NLRP7: variants seen among roughly 807,000 people sequenced by gnomAD.
The protein encoded by NLRP7 is NACHT, LRR and PYD domains-containing protein 7.
Under a neutral mutation model 85.5 loss-of-function variants are expected in NLRP7, and 72 were observed. That is an observed-to-expected ratio of 0.84 (90% CI 0.70 to 1.02). The LOEUF is 1.02. NLRP7 is among the 50% of genes least tolerant of loss of function. NLRP7 has a pLI of 0.00. For missense variants in NLRP7, 1,243 were observed against 1,219.5 expected, an observed-to-expected ratio of 1.02 and a Z score of -0.29; for synonymous variants, 550 against 505.2, an observed-to-expected ratio of 1.09 and a Z score of -1.19.
At chr19:54,948,438 C>G (rs572134001), upstream of NLRP7, among the ~76,000 whole-genome samples, 1 of 152,102 alleles carries the variant, frequency 6.6e-6, no homozygotes, top group Non-Finnish European at 1.5e-5. Flanking sequence ...GTAATCCCAG[C>G]TATTCAGGAG....
rs749891684 is a variant in NLRP7 at position 54,934,638 on chromosome 19, G to A, written c.2322C>T (p.Thr774=). Residue 774 remains threonine, a synonymous_variant, in exon 7 of 10, where the codon ACC becomes ACT. Coordinates refer to ENST00000340844, the Ensembl canonical transcript of NLRP7. This position sits in a 1 kb window ranked among gnomAD's most constrained non-coding sequence, Gnocchi z 6.7. ...AGAAGAATTCAGCCCACTGCTCCGG[G>A]GTGGCACAGTGACCTCCCAACCTGT... 9.9e-6 allele frequency: 16 copies of A among 1,613,628 alleles called. No homozygotes were observed. The highest frequency in any genetic ancestry group is 1.4e-5 in the Non-Finnish European group (16 of 1,179,866).
chr19:54,937,593 G>T (rs775877), intron 5 of NLRP7, among the ~76,000 whole-genome samples: 1 of 150,564 alleles, frequency 6.6e-6, no homozygotes, highest in East Asian at 2.0e-4. Context: ...CTCTGTCTCA[G>T]AAAAAATAAA....
intron 1 of NLRP7, among the ~76,000 whole-genome samples, chr19:54,963,824 A>AG (rs1308574294): frequency 6.7e-6 from 1 of 149,856 alleles, no homozygotes. Context: ...ACTCAGTCTC[A>AG]GAAAAAAAAA....
chr19:54,936,453 T>TC (rs758550000), intron 5 of NLRP7, 22 bp from the exon 6 acceptor site: 2 of 1,602,622 alleles, frequency 1.2e-6, no homozygotes, highest in Non-Finnish European at 1.7e-6. Context: ...CAGAAGAGAT[T>TC]CCACTTGGAG....
Position 54,940,909 on chromosome 19 carries a change from C to T in NLRP7, c.352+22G>A, listed in dbSNP as rs199983944. On this transcript the variant is annotated intron_variant, in intron 3 of 9. Coordinates refer to ENST00000340844, the Ensembl canonical transcript of NLRP7. The stretch of plus-strand genomic sequence containing the variant: ...ATGCTCTCAAACACCAAACTCATGA[C>T]CATAGGACCGTATTTACCCACCTGG... 6.5e-5 allele frequency: 96 copies of T among 1,465,978 alleles called. No individual in the cohort carries two copies. In the Admixed American group the frequency reaches 1.6e-3, roughly 24 times the overall value. The allele number at this position is 1,465,978 out of a possible 1,614,324, so 90.8% of individuals were successfully genotyped here. A position where few individuals can be genotyped will look rare whatever the true frequency, so the allele number is the denominator to read the frequency against.
chr19:54,943,177 G>T (rs940663005), intron 1 of NLRP7, among the ~76,000 whole-genome samples: 1 of 151,914 alleles, frequency 6.6e-6, no homozygotes, highest in African/African-American at 2.4e-5. Flanking sequence ...AGGCCTGGTG[G>T]AACATACCCG....
Position 54,934,904 on chromosome 19 carries a change from C to T in NLRP7, c.2301-245G>A, listed in dbSNP as rs555200182. On this transcript the variant is annotated intron_variant, in intron 6 of 9. Transcript: ENST00000340844. The surrounding 1 kb of genome is among the most constrained non-coding windows in gnomAD (Gnocchi z 6.7). ...TAGAGACGGGATTTCACCATGTTGG[C>T]CACACTGGTCTTGAACTCCTGACCT... Among the ~76,000 whole-genome samples, 3 of 152,214 alleles carry T rather than the reference C, an allele frequency of 2.0e-5. No homozygotes were observed. The highest frequency in any genetic ancestry group is 2.9e-5 in the Non-Finnish European group (2 of 67,998).
At chr19:54,951,036 T>C (rs929275754), upstream of NLRP7, among the ~76,000 whole-genome samples, 2 of 152,214 alleles carry the variant, frequency 1.3e-5, no homozygotes, top group African/African-American at 4.8e-5. Flanking sequence ...AGCATTTGTT[T>C]AACAAAGCAC....
At chr19:54,943,595 C>T (rs1014677809) in intron 1 of NLRP7, among the ~76,000 whole-genome samples, 3 of 127,484 alleles carry the variant, frequency 2.4e-5, no homozygotes, top group Admixed American at 8.6e-5. Context: ...AGCGAGACTC[C>T]GTCTGGGTTG....
Position 54,934,522 on chromosome 19 carries a change from A to T in NLRP7, c.2438T>A (p.Met813Lys). 6.2e-7 allele frequency: 1 copy of T among 1,614,200 alleles called. No individual in the cohort carries two copies. The highest frequency in any genetic ancestry group is 8.5e-7 in the Non-Finnish European group (1 of 1,180,026). Reference sequence around the variant, plus strand: ...CTGCAGGAAGTGTTTTGGGCGTGTCATGGTCTTGTACAGCAACATGGCACC... The same window carrying T: ...CTGCAGGAAGTGTTTTGGGCGTGTCTTGGTCTTGTACAGCAACATGGCACC... The change falls in exon 7 of 10, where the codon ATG (methionine) becomes AAG (lysine). Residue 813 changes from methionine to lysine, a missense_variant. This residue lies in a region of NLRP7 where 613 missense variants were observed against 588.4 expected (regional missense o/e 1.04). Coordinates refer to ENST00000340844, the Ensembl canonical transcript of NLRP7. This position sits in a 1 kb window ranked among gnomAD's most constrained non-coding sequence, Gnocchi z 6.7.
At chr19:54,960,797 G>A (rs1020906098) in intron 1 of NLRP7, among the ~76,000 whole-genome samples, 10 of 151,516 alleles carry the variant, frequency 6.6e-5, no homozygotes, top group East Asian at 2.0e-4. Flanking sequence ...GGGTTTCACC[G>A]TGTTAGCCAG....
intron 1 of NLRP7, among the ~76,000 whole-genome samples, chr19:54,963,279 C>T (rs2070123789): frequency 6.6e-6 from 1 of 151,986 alleles, no homozygotes; most frequent in South Asian, 2.1e-4. Context: ...ATGCCTGTAG[C>T]CTTCAGTAAG....
At chr19:54,953,685 G>A (rs572740406) in intron 1 of NLRP7, among the ~76,000 whole-genome samples, 84 of 151,750 alleles carry the variant, frequency 5.5e-4, no homozygotes, top group Admixed American at 1.5e-3. Context: ...CAATATGAGG[G>A]GTGGTCTCCT....
At chr19:54,940,508 G>C (rs1451294934) in intron 3 of NLRP7, 42 bp from the exon 4 acceptor site, 6 of 1,606,354 alleles carry the variant, frequency 3.7e-6, no homozygotes, top group Non-Finnish European at 8.5e-7. Context: ...TGATGATGAT[G>C]ATTTTCTGAA....
intron 1 of NLRP7, among the ~76,000 whole-genome samples, chr19:54,961,505 A>G (rs112523347): frequency 6.6e-6 from 1 of 150,930 alleles, no homozygotes; most frequent in African/African-American, 2.4e-5. Flanking sequence ...TCTCTAAATA[A>G]ATAAATAAAT....
intron 1 of NLRP7, among the ~76,000 whole-genome samples, chr19:54,961,661 C>T (rs751451922): frequency 7.3e-5 from 11 of 150,610 alleles, no homozygotes; most frequent in Non-Finnish European, 1.5e-4. Context: ...TGGTGAAAAC[C>T]TATCTGTACT....
chr19:54,927,863 G>T, intron 9 of NLRP7, 88 bp from the exon 10 acceptor site: 1 of 1,192,478 alleles, frequency 8.4e-7, no homozygotes, highest in Non-Finnish European at 1.2e-6. Flanking sequence ...AGGCCAAGGC[G>T]GGTGGATCAC....
Position 54,933,451 on chromosome 19 carries a change from TG to T in NLRP7, c.2642+117del, listed in dbSNP as rs1250721282. ...TGAGCCACCACGCCTGGCCTCTGCC[TG>T]TTCTTTAATTCTTACCAGGTTTTTA... On this transcript the variant is annotated intron_variant, in intron 8 of 9. Transcript: ENST00000340844. The T allele has an allele frequency of 3.6e-5, 48 of 1,334,804 alleles. No individual in the cohort carries two copies. In the African/African-American group the frequency reaches 6.1e-4, roughly 17 times the overall value. 82.7% of individuals were successfully genotyped at this position (1,334,804 alleles called of 1,614,324 possible).
chr19:54,957,753 G>C (rs977264368), intron 1 of NLRP7, among the ~76,000 whole-genome samples: 6 of 152,108 alleles, frequency 3.9e-5, no homozygotes, highest in Non-Finnish European at 8.8e-5. Flanking sequence ...AATTGAATCT[G>C]GTTTTTCTTC....
Sources: gnomAD v4.1 joint callset for allele counts (sites outside exome capture counted in the v4.1 genomes callset) on GRCh38, gnomAD v4.1.1 for gene constraint, gnomAD v4.1.1 regional missense constraint, Gnocchi (gnomAD v3.1) non-coding constraint, MANE v1.5 for transcripts, NCBI Gene and HGNC (gene_info 2026-07-23, HGNC 2026-07-21) for gene names.